Variants in CANX observed in about 807,000 individuals in gnomAD.
CANX encodes the protein calnexin.
In CANX, 14 loss-of-function variants were observed where a neutral mutation model predicts 75.7. That is an observed-to-expected ratio of 0.19 (90% CI 0.12 to 0.29). The LOEUF (loss-of-function observed/expected upper bound fraction) is 0.29. CANX is among the 10% of genes least tolerant of loss of function. The pLI is 1.00. For synonymous variants in CANX, 227 were observed against 236.9 expected, an observed-to-expected ratio of 0.96 and a Z score of 0.38; for missense variants, 567 against 713.2, an observed-to-expected ratio of 0.79 and a Z score of 2.34.
chr5:179,705,744 T>G lies in CANX; in HGVS notation c.63T>G (p.His21Gln). 6.2e-7 allele frequency: 1 copy of G among 1,609,786 alleles called. No homozygotes were observed. Among genetic ancestry groups the G allele is most frequent in the Non-Finnish European group, 8.5e-7 (1 of 1,176,056 alleles). The change falls in exon 2 of 15, where the codon CAT (histidine) becomes CAG (glutamine). Residue 21 changes from histidine (H) to glutamine (Q), a missense_variant. Physicochemically the swap from His to Gln is conservative, Grantham distance 24. This residue lies in a region of CANX where 351 missense variants were observed against 433.8 expected (regional missense o/e 0.81). Coordinates refer to ENST00000247461, the MANE Select transcript of CANX (RefSeq NM_001746.4). ...TTGGAACTGCTATTGTTGAGGCTCA[T>G]GATGGACATGATGATGATGTGATTG... ...LVLGTAIVEAHDGHDDDVIDI... is the reference protein window; with the variant it reads ...LVLGTAIVEAQDGHDDDVIDI...
Position 179,679,958 on chromosome 5 carries a change from C to CTT in CANX, c.-4+1206_-4+1207dup, listed in dbSNP as rs34916199. On this transcript the variant is annotated intron_variant, in intron 1 of 14. Coordinates refer to the CANX transcript ENST00000681674. ...ACAGGCATGAGTCACTGCGCCTGGC[C>CTT]TTTTTTTTTTTTTTTTTTTTTTTTT... 7.9e-3 allele frequency among the ~76,000 whole-genome samples: 467 copies of CTT among 59,370 alleles called. 36 individuals are homozygous for CTT. The highest frequency in any genetic ancestry group is 0.016 in the African/African-American group (254 of 15,766). The allele number at this position is 59,370 out of a possible 152,430, so 38.9% of individuals were successfully genotyped here.
chr5:179,695,252 G>A (rs1040015070), upstream of CANX, among the ~76,000 whole-genome samples: 16 of 152,038 alleles, frequency 1.1e-4, no homozygotes, highest in South Asian at 3.3e-3. Context: ...GTAGAGACGG[G>A]GTTTCACCGT....
upstream of CANX, chr5:179,698,690 G>A (rs1374014598): frequency 9.2e-6 from 9 of 980,920 alleles, no homozygotes; most frequent in Non-Finnish European, 1.3e-5. Context: ...GCCCCGCCCC[G>A]AGACGCGCGC....
upstream of CANX, among the ~76,000 whole-genome samples, chr5:179,696,974 C>T (rs534783680): frequency 1.8e-4 from 28 of 152,306 alleles, no homozygotes; most frequent in South Asian, 6.2e-4. Flanking sequence ...ATTATTATAT[C>T]TGTCATGGTG....
chr5:179,721,117 G>T (rs1778286729), intron 10 of CANX, among the ~76,000 whole-genome samples: 1 of 151,320 alleles, frequency 6.6e-6, no homozygotes. Context: ...TCACTCTAGT[G>T]GCCAGGCTGG....
intron 11 of CANX, 186 bp from the exon 12 acceptor site, chr5:179,723,474 C>T: frequency 5.5e-6 from 3 of 548,356 alleles, no homozygotes; most frequent in Non-Finnish European, 9.2e-6. Context: ...GTGAAATCAT[C>T]TTGATTATAA....
At chr5:179,687,585 G>C (rs1776214239) in intron 1 of CANX, among the ~76,000 whole-genome samples, 1 of 152,076 alleles carries the variant, frequency 6.6e-6, no homozygotes, top group Admixed American at 6.6e-5. Flanking sequence ...GCTCACTGTT[G>C]AAAGCTTTCT....
At position 179,723,825 on chromosome 5, in the gene CANX, A is replaced by T. The variant is rs1480011663; in HGVS notation, c.1518+46A>T. The T allele has an allele frequency of 2.0e-6, 3 of 1,516,020 alleles. No homozygotes were observed. In the East Asian group the frequency reaches 6.8e-5, roughly 35 times the overall value. The allele number at this position is 1,516,020 out of a possible 1,614,324, so 93.9% of individuals were successfully genotyped here. On this transcript the variant is annotated intron_variant, in intron 12 of 14. Transcript: ENST00000247461. ...GAATCAATTTTAGAGACATCACTCT[A>T]GTGATTATTAAAAATAACTAAGATA...
intron 8 of CANX, among the ~76,000 whole-genome samples, chr5:179,718,836 G>C (rs941787563): frequency 1.3e-5 from 2 of 150,834 alleles, no homozygotes; most frequent in Non-Finnish European, 3.0e-5. Flanking sequence ...CTTAATTTTT[G>C]TATTTTTTGG....
chr5:179,723,631 C>T (rs778792910), intron 11 of CANX, 29 bp from the exon 12 acceptor site: 2 of 1,604,712 alleles, frequency 1.2e-6, no homozygotes, highest in Admixed American at 3.5e-5. Flanking sequence ...AAAGCTGGAA[C>T]TTTCAATCAG....
intron 1 of CANX, among the ~76,000 whole-genome samples, chr5:179,703,456 C>T (rs1007821709): frequency 1.3e-5 from 2 of 151,246 alleles, no homozygotes; most frequent in Admixed American, 6.6e-5. Context: ...AGGCAGTCTA[C>T]CAGCCTCCCA....
intron 3 of CANX, 56 bp downstream of exon 3, chr5:179,706,387 T>C: frequency 1.2e-6 from 1 of 825,254 alleles, no homozygotes; most frequent in Non-Finnish European, 2.0e-6. Flanking sequence ...TAAGATGGGA[T>C]AGTAGATTCC....
upstream of CANX, chr5:179,698,671 G>A (rs1252789932): frequency 8.9e-7 from 1 of 1,117,986 alleles, no homozygotes. Flanking sequence ...GGGAACGCCT[G>A]TTAAACCAGC....
rs758190011 is a variant in CANX, at chr5:179,723,772, C to G, written c.1511C>G (p.Ser504Cys). 6.2e-7 allele frequency: 1 copy of G among 1,601,750 alleles called. No homozygotes were observed. The highest frequency in any genetic ancestry group is 2.2e-5 in the East Asian group (1 of 44,740). Residue 504 changes from serine (S) to cysteine (C), a missense_variant, in exon 12 of 15, where the codon TCT (serine) becomes TGT (cysteine). Physicochemically the swap from Ser to Cys is moderately radical, Grantham distance 112 (BLOSUM62 -1). Transcript: ENST00000247461. Reference protein sequence around the residue: ...PVFLVILFCCSGKKQTSGMEY... With the variant: ...PVFLVILFCCCGKKQTSGMEY... ...TTCCTGGTTATCCTCTTCTGCTGTT[C>G]TGGAAAGGTAGGAAGTTTTTTTTTT... is the stretch of plus-strand genomic sequence containing the variant.
chr5:179,679,242 A>G (rs1472842269), intron 1 of CANX: 1 of 1,529,212 alleles, frequency 6.5e-7, no homozygotes, highest in Non-Finnish European at 8.7e-7. Flanking sequence ...GTCCAGAATG[A>G]TGAAGGCGAG....
intron 8 of CANX, 37 bp from the exon 9 acceptor site, chr5:179,719,631 A>G (rs762880502): frequency 8.7e-7 from 1 of 1,146,582 alleles, no homozygotes; most frequent in South Asian, 1.3e-5. Context: ...TACTGTGACC[A>G]GTGTTGTCAT....
Position 179,728,984 on chromosome 5 carries a change from A to G in CANX, c.*340A>G. The G allele has an allele frequency of 2.8e-6, 1 of 354,830 alleles. No homozygotes were observed. Among genetic ancestry groups the G allele is most frequent in the South Asian group, 2.3e-5 (1 of 43,346 alleles). 22.0% of individuals were successfully genotyped at this position (354,830 alleles called of 1,614,324 possible). On this transcript the variant is annotated 3_prime_UTR_variant, in exon 15 of 15. Coordinates refer to ENST00000247461, the MANE Select transcript of CANX (RefSeq NM_001746.4). The stretch of plus-strand genomic sequence containing the variant: ...GTCTTTAAGATCTTGGCTTAATTTA[A>G]TGTATTAATCTGTTTGTGCAAACAT...
intron 1 of CANX, among the ~76,000 whole-genome samples, chr5:179,688,961 G>A (rs1324056479): frequency 2.0e-5 from 3 of 150,512 alleles, no homozygotes. Context: ...AAAAACAACA[G>A]AAAGAGGCCG....
intron 1 of CANX, among the ~76,000 whole-genome samples, chr5:179,684,777 A>G (rs978956700): frequency 5.3e-5 from 8 of 151,768 alleles, no homozygotes; most frequent in Admixed American, 1.3e-4. Flanking sequence ...ATTTTTTGAG[A>G]TGGAGTTTCA....
Sources: gnomAD v4.1 joint callset for allele counts (sites outside exome capture counted in the v4.1 genomes callset) on GRCh38, gnomAD v4.1.1 for gene constraint, gnomAD v4.1.1 regional missense constraint, MANE v1.5 for transcripts, NCBI Gene and HGNC (gene_info 2026-07-23, HGNC 2026-07-21) for gene names.